The following ASTN1 variants were observed in gnomAD, a reference collection of about 807,000 sequenced individuals.
ASTN1 encodes astrotactin-1.
In ASTN1, 41 loss-of-function variants were observed where a neutral mutation model predicts 140.7. The observed-to-expected ratio is 0.29, with a 90% CI of 0.23 to 0.38. The LOEUF is 0.38. Ranked by LOEUF, ASTN1 falls within the 10% of genes least tolerant of loss-of-function variation. The pLI is 1.00. For synonymous variants in ASTN1, 640 were observed against 652.2 expected, an observed-to-expected ratio of 0.98 and a Z score of 0.29; for missense variants, 1,479 against 1,678.8, an observed-to-expected ratio of 0.88 and a Z score of 2.08.
intron 16 of ASTN1, among the ~76,000 whole-genome samples, chr1:176,905,277 A>G (rs766242430): frequency 2.2e-4 from 33 of 152,222 alleles, no homozygotes; most frequent in Non-Finnish European, 4.8e-4. Flanking sequence ...ATATGAGTCT[A>G]TGCAGGCGGG....
chr1:177,032,607 G>C lies in ASTN1; in HGVS notation c.714C>G (p.Ile238Met), dbSNP rs1293286795. Residue 238 changes from isoleucine to methionine, a missense_variant, in exon 3 of 23, where the codon ATC becomes ATG. Transcript: ENST00000361833. ...SGTLSIRETP[I>M]LDGYEYDITD... The stretch of plus-strand genomic sequence containing the variant: ...TGATGTCATACTCATAGCCGTCCAG[G>C]ATAGGTGTCTCCCGGATGCTCAGGG... 6.2e-7 allele frequency: 1 copy of C among 1,614,076 alleles called. No individual in the cohort carries two copies. The highest frequency in any genetic ancestry group is 8.5e-7 in the Non-Finnish European group (1 of 1,180,036).
intron 16 of ASTN1, among the ~76,000 whole-genome samples, chr1:176,930,134 G>A (rs1279368886): frequency 1.3e-5 from 2 of 152,172 alleles, no homozygotes; most frequent in African/African-American, 2.4e-5. Context: ...AAATGGAGAA[G>A]AGGAGACCCT....
At position 177,117,669 on chromosome 1, in the gene ASTN1, T is replaced by C. The variant is rs146334404; in HGVS notation, c.283+46725A>G. On this transcript the variant is annotated intron_variant, in intron 1 of 22. Coordinates refer to ENST00000361833, the MANE Select transcript of ASTN1 (RefSeq NM_004319.3). ...GCATGGCATTCAATATGTCCCAAAA[T>C]TAAATGCCCAATTTCCAGGTTTCCC... 1.9e-3 allele frequency among the ~76,000 whole-genome samples: 289 copies of C among 152,238 alleles called. 1 individual carries two copies. Among genetic ancestry groups the C allele is most frequent in the Non-Finnish European group, 3.1e-3 (213 of 68,030 alleles).
At chr1:177,006,963 T>G (rs1005275222) in intron 8 of ASTN1, among the ~76,000 whole-genome samples, 4 of 152,346 alleles carry the variant, frequency 2.6e-5, no homozygotes, top group African/African-American at 9.6e-5. Context: ...TTATATGCTC[T>G]TCACATTGCT....
At chr1:177,093,302 T>C (rs1329572974) in intron 1 of ASTN1, among the ~76,000 whole-genome samples, 1 of 152,198 alleles carries the variant, frequency 6.6e-6, no homozygotes, top group African/African-American at 2.4e-5. Flanking sequence ...CTTGCTGAAG[T>C]CCAAAAGACA....
intron 1 of ASTN1, among the ~76,000 whole-genome samples, chr1:177,093,496 G>T (rs1679874516): frequency 6.6e-6 from 1 of 152,018 alleles, no homozygotes; most frequent in South Asian, 2.1e-4. Context: ...AAAATTCTAG[G>T]GCACCCATAC....
intron 2 of ASTN1, among the ~76,000 whole-genome samples, chr1:177,052,944 T>G (rs1677612742): frequency 6.6e-6 from 1 of 152,198 alleles, no homozygotes; most frequent in Non-Finnish European, 1.5e-5. Context: ...CTATGTGACT[T>G]TGGGCCTATA....
intron 18 of ASTN1, among the ~76,000 whole-genome samples, chr1:176,887,368 T>C (rs1669072712): frequency 6.6e-6 from 1 of 152,188 alleles, no homozygotes. Context: ...ACTGGTGGCC[T>C]ATTCATCTTC....
chr1:177,115,319 G>A (rs1202145422), intron 1 of ASTN1, among the ~76,000 whole-genome samples: 1 of 152,134 alleles, frequency 6.6e-6, no homozygotes, highest in Non-Finnish European at 1.5e-5. Flanking sequence ...AGATGGATAT[G>A]AGAAGATACA....
intron 7 of ASTN1, among the ~76,000 whole-genome samples, chr1:177,022,701 T>C (rs1385393364): frequency 6.6e-6 from 1 of 152,212 alleles, no homozygotes; most frequent in East Asian, 1.9e-4. Flanking sequence ...AGCATTTATG[T>C]GTAAAGATGT....
chr1:176,858,532 A>C (rs1667876240), downstream of ASTN1, among the ~76,000 whole-genome samples: 1 of 152,220 alleles, frequency 6.6e-6, no homozygotes, highest in South Asian at 2.1e-4. Context: ...GCACAAAAAG[A>C]ACCATTAAAG....
At chr1:177,064,678 C>T (rs1678263832) in intron 1 of ASTN1, among the ~76,000 whole-genome samples, 1 of 152,216 alleles carries the variant, frequency 6.6e-6, no homozygotes, top group Non-Finnish European at 1.5e-5. Context: ...GGACTAGACT[C>T]ACCATAGAGG....
At chr1:176,874,519 T>TGCTG (rs1338059595) in intron 21 of ASTN1, among the ~76,000 whole-genome samples, 2 of 152,158 alleles carry the variant, frequency 1.3e-5, no homozygotes, top group Non-Finnish European at 2.9e-5. Flanking sequence ...CAAGTGTGAG[T>TGCTG]GCTGGTTCTG....
chr1:176,867,950 G>T (rs1307685886), intron 22 of ASTN1, among the ~76,000 whole-genome samples: 1 of 149,932 alleles, frequency 6.7e-6, no homozygotes. Context: ...TTCCTTGTTT[G>T]CTTCCTTCTT....
chr1:176,925,473 T>C (rs1371454335), intron 16 of ASTN1, among the ~76,000 whole-genome samples: 2 of 152,134 alleles, frequency 1.3e-5, no homozygotes, highest in Non-Finnish European at 2.9e-5. Context: ...AGATCTTAGG[T>C]GATACATATG....
At chr1:177,128,594 G>C (rs1681789272) in intron 1 of ASTN1, among the ~76,000 whole-genome samples, 1 of 152,168 alleles carries the variant, frequency 6.6e-6, no homozygotes, top group South Asian at 2.1e-4. Context: ...AGATCTCTAA[G>C]TGACTCCCAA....
In ASTN1 at chr1:176,926,099, A is replaced by G. The variant is rs376516749; in HGVS notation, c.2671+8053T>C. Among the ~76,000 whole-genome samples the G allele has an allele frequency of 4.3e-3, 648 of 152,020 alleles. 3 individuals carry two copies. The highest frequency in any genetic ancestry group is 5.3e-3 in the Non-Finnish European group (363 of 67,958). On this transcript the variant is annotated intron_variant, in intron 16 of 22. Coordinates refer to ENST00000361833, the MANE Select transcript of ASTN1 (RefSeq NM_004319.3). ...TGGGATTACAGGTGTGAGCCACCGC[A>G]CCCAGCCAAGGCATTCTTTTTAATC...
At chr1:176,954,723 C>T (rs1672327930) in intron 11 of ASTN1, among the ~76,000 whole-genome samples, 1 of 152,178 alleles carries the variant, frequency 6.6e-6, no homozygotes, top group African/African-American at 2.4e-5. Flanking sequence ...TGGTCATCAG[C>T]AGTGGGTAGC....
At chr1:176,935,769 C>G (rs1006597486) in intron 15 of ASTN1, among the ~76,000 whole-genome samples, 1 of 151,980 alleles carries the variant, frequency 6.6e-6, no homozygotes, top group Non-Finnish European at 1.5e-5. Context: ...CTTTCTCTCT[C>G]TCTCTCTCTC....
Sources: gnomAD v4.1 joint callset for allele counts (sites outside exome capture counted in the v4.1 genomes callset) on GRCh38, gnomAD v4.1.1 for gene constraint, MANE v1.5 for transcripts, NCBI Gene and HGNC (gene_info 2026-07-23, HGNC 2026-07-21) for gene names.